SLC44A1: variants seen among roughly 807,000 people sequenced by gnomAD.
The protein encoded by SLC44A1 is choline transporter-like protein 1.
In SLC44A1, 26 loss-of-function variants were observed where a neutral mutation model predicts 79.3. The ratio of observed to expected loss-of-function variants is 0.33; its 90% CI spans 0.24 to 0.46. SLC44A1 has a LOEUF of 0.46. Ranked by LOEUF, SLC44A1 falls within the 20% of genes least tolerant of loss-of-function variation. SLC44A1 has a pLI of 1.00. For synonymous variants in SLC44A1, 263 were observed against 286.2 expected, an observed-to-expected ratio of 0.92 and a Z score of 0.82; for missense variants, 688 against 798.1, an observed-to-expected ratio of 0.86 and a Z score of 1.66.
chr9:105,276,057 C>G (rs985967750), intron 1 of SLC44A1, among the ~76,000 whole-genome samples: 2 of 152,056 alleles, frequency 1.3e-5, no homozygotes, highest in African/African-American at 4.8e-5. Flanking sequence ...CCGCCCACCT[C>G]GGTCTCCCAA....
At chr9:105,359,641 T>A (rs1177943693) in intron 7 of SLC44A1, among the ~76,000 whole-genome samples, 1 of 152,200 alleles carries the variant, frequency 6.6e-6, no homozygotes, top group Non-Finnish European at 1.5e-5. Context: ...TTATTTCAAT[T>A]TCATTCTATT....
intron 15 of SLC44A1, among the ~76,000 whole-genome samples, chr9:105,420,560 T>C (rs1440937407): frequency 6.6e-6 from 1 of 151,558 alleles, no homozygotes; most frequent in African/African-American, 2.4e-5. Context: ...GTGCCAAGCT[T>C]ATCCAAAATG....
intron 15 of SLC44A1, among the ~76,000 whole-genome samples, chr9:105,426,958 C>CA (rs1276645356): frequency 1.4e-5 from 2 of 146,978 alleles, no homozygotes; most frequent in African/African-American, 5.1e-5. Context: ...TTCCTCGAGA[C>CA]AAAATCTTGC....
chr9:105,268,360 C>T (rs1243935667), intron 1 of SLC44A1, among the ~76,000 whole-genome samples: 3 of 152,232 alleles, frequency 2.0e-5, no homozygotes, highest in African/African-American at 7.2e-5. Flanking sequence ...CCACCTGCTT[C>T]GTAGTTCCAA....
At chr9:105,248,762 TG>T (rs1363250506) in intron 1 of SLC44A1, among the ~76,000 whole-genome samples, 1 of 152,238 alleles carries the variant, frequency 6.6e-6, no homozygotes, top group East Asian at 1.9e-4. Flanking sequence ...TCATTTGTTC[TG>T]GTATAACCTG....
chr9:105,264,990 T>G (rs1438001742), intron 1 of SLC44A1, among the ~76,000 whole-genome samples: 1 of 152,068 alleles, frequency 6.6e-6, no homozygotes, highest in African/African-American at 2.4e-5. Flanking sequence ...GAGACGGGGT[T>G]TCTCCATGTT....
chr9:105,356,545 T>A (rs1827629603), intron 6 of SLC44A1, among the ~76,000 whole-genome samples, 164 bp downstream of exon 6: 1 of 152,212 alleles, frequency 6.6e-6, no homozygotes, highest in African/African-American at 2.4e-5. Flanking sequence ...TATGTACATA[T>A]AAGTATGTAT....
chr9:105,349,439 A>G (rs954374281), intron 5 of SLC44A1, among the ~76,000 whole-genome samples: 1 of 152,244 alleles, frequency 6.6e-6, no homozygotes, highest in African/African-American at 2.4e-5. Flanking sequence ...AGTAGAAAAA[A>G]GATATATCAG....
chr9:105,407,681 C>T (rs546449163), intron 15 of SLC44A1, among the ~76,000 whole-genome samples: 1 of 151,798 alleles, frequency 6.6e-6, no homozygotes, highest in Non-Finnish European at 1.5e-5. Context: ...ACCAGCCTGG[C>T]CAACATGAGG....
intron 3 of SLC44A1, among the ~76,000 whole-genome samples, chr9:105,318,051 A>G (rs564064322): frequency 6.6e-5 from 10 of 152,330 alleles, no homozygotes; most frequent in Admixed American, 1.3e-4. Context: ...GGAAAAGAGC[A>G]GCCTAGATAG....
intron 13 of SLC44A1, among the ~76,000 whole-genome samples, chr9:105,382,793 A>G (rs1303253998): frequency 6.6e-6 from 1 of 152,078 alleles, no homozygotes; most frequent in African/African-American, 2.4e-5. Context: ...GAGTTTGTAA[A>G]TTTTTTCTAA....
intron 15 of SLC44A1, among the ~76,000 whole-genome samples, chr9:105,403,282 T>C (rs1040872797): frequency 6.6e-6 from 1 of 152,114 alleles, no homozygotes; most frequent in Non-Finnish European, 1.5e-5. Flanking sequence ...ATCGATAGAA[T>C]TTTATTCTCT....
Position 105,299,811 on chromosome 9 carries a change from G to T in SLC44A1, c.126+502G>T, listed in dbSNP as rs574992440. On this transcript the variant is annotated intron_variant, in intron 2 of 15. Transcript: ENST00000374720. ...CGATTGGAGATGAAGGGACCTGGTG[G>T]TTTTCCAACGGCCCCTGCTGCCTGC... 2.8e-3 allele frequency: 2,732 copies of T among 986,640 alleles called. 2 individuals carry two copies. Among genetic ancestry groups the T allele is most frequent in the Non-Finnish European group, 3.1e-3 (2,543 of 830,888 alleles). 61.1% of individuals were successfully genotyped at this position (986,640 alleles called of 1,614,324 possible).
At chr9:105,297,503 C>T (rs1830756209) in intron 1 of SLC44A1, among the ~76,000 whole-genome samples, 1 of 152,156 alleles carries the variant, frequency 6.6e-6, no homozygotes, top group Non-Finnish European at 1.5e-5. Flanking sequence ...CCTGCCTCAG[C>T]CTCCCAAGTA....
chr9:105,374,539 C>T (rs7048586), intron 12 of SLC44A1, 59 bp from the exon 13 acceptor site: 7 of 1,555,936 alleles, frequency 4.5e-6, no homozygotes, highest in African/African-American at 2.7e-5. Flanking sequence ...TGCTCAGTTT[C>T]TATCTTAACA....
intron 1 of SLC44A1, among the ~76,000 whole-genome samples, chr9:105,276,445 C>G (rs1830202968): frequency 6.6e-6 from 1 of 152,078 alleles, no homozygotes. Flanking sequence ...CAGCAAAGAA[C>G]ACCAAGCTTA....
intron 3 of SLC44A1, among the ~76,000 whole-genome samples, chr9:105,323,918 T>C (rs1400327609): frequency 6.6e-6 from 1 of 152,240 alleles, no homozygotes. Flanking sequence ...CATCTTGCAT[T>C]GCATGTCCTT....
At chr9:105,281,946 G>A (rs1393705150) in intron 1 of SLC44A1, among the ~76,000 whole-genome samples, 1 of 152,216 alleles carries the variant, frequency 6.6e-6, no homozygotes, top group Non-Finnish European at 1.5e-5. Context: ...CATGGAGTGG[G>A]ATGGGGTACA....
chr9:105,260,681 G>A (rs892737153), intron 1 of SLC44A1, among the ~76,000 whole-genome samples: 4 of 152,198 alleles, frequency 2.6e-5, no homozygotes, highest in African/African-American at 9.7e-5. Context: ...TAGGGTAAAT[G>A]ATTGACAAAA....
Sources: gnomAD v4.1 joint callset for allele counts (sites outside exome capture counted in the v4.1 genomes callset) on GRCh38, gnomAD v4.1.1 for gene constraint, MANE v1.5 for transcripts, NCBI Gene and HGNC (gene_info 2026-07-23, HGNC 2026-07-21) for gene names.